KMT2C: variants seen among roughly 807,000 people sequenced by gnomAD.
KMT2C encodes the protein lysine methyltransferase 2C, also known as histone-lysine N-methyltransferase 2C.
KMT2C carries 88 observed loss-of-function variants against 507.9 expected under a neutral mutation model. The ratio of observed to expected loss-of-function variants is 0.17; its 90% CI spans 0.15 to 0.21. The LOEUF (loss-of-function observed/expected upper bound fraction) is 0.21. Ranked by LOEUF, KMT2C falls within the 10% of genes least tolerant of loss-of-function variation. The pLI, the probability that KMT2C is intolerant of heterozygous loss-of-function variation, is 1.00. For synonymous variants in KMT2C, 2,049 were observed against 2,080.8 expected (o/e 0.98, Z 0.42); for missense variants, 4,954 against 5,957.8 (o/e 0.83, Z 5.55).
chr7:152,332,741 G>A (rs762039258), intron 2 of KMT2C, among the ~76,000 whole-genome samples: 13 of 152,026 alleles, frequency 8.6e-5, no homozygotes, highest in African/African-American at 1.4e-4. Flanking sequence ...CCAGCTACTC[G>A]GGAGGCTGAG....
At chr7:152,325,713 T>A (rs1352607758) in intron 3 of KMT2C, among the ~76,000 whole-genome samples, 1 of 152,182 alleles carries the variant, frequency 6.6e-6, no homozygotes, top group East Asian at 1.9e-4. Flanking sequence ...CCCAAAGTGC[T>A]AGGATTATAG....
At chr7:152,249,187 T>C (rs1353192062) in intron 13 of KMT2C, among the ~76,000 whole-genome samples, 1 of 152,114 alleles carries the variant, frequency 6.6e-6, no homozygotes, top group Admixed American at 6.6e-5. Context: ...ATCAGAAACA[T>C]AGTCACTGGT....
intron 3 of KMT2C, among the ~76,000 whole-genome samples, chr7:152,318,828 T>C (rs1282662195): frequency 6.6e-6 from 1 of 151,780 alleles, no homozygotes; most frequent in Non-Finnish European, 1.5e-5. Context: ...ACATTAGAGA[T>C]GAAAAAGATG....
At chr7:152,434,343 C>G (rs1035806151) in intron 1 of KMT2C, among the ~76,000 whole-genome samples, 10 of 152,186 alleles carry the variant, frequency 6.6e-5, no homozygotes, top group African/African-American at 2.4e-4. Flanking sequence ...GGCCCTGAAT[C>G]ATTTTCATAG....
intron 54 of KMT2C, 22 bp downstream of exon 54, chr7:152,145,131 A>G (rs774402843): frequency 1.2e-6 from 2 of 1,612,374 alleles, no homozygotes; most frequent in East Asian, 4.5e-5. Flanking sequence ...GGGCTGTACT[A>G]TGTGAAGTTA....
intron 3 of KMT2C, among the ~76,000 whole-genome samples, chr7:152,320,039 C>T (rs2096758277): frequency 6.6e-6 from 1 of 152,132 alleles, no homozygotes; most frequent in African/African-American, 2.4e-5. Context: ...CCGGGCCCAG[C>T]TGTCTTTTCT....
intron 12 of KMT2C, among the ~76,000 whole-genome samples, chr7:152,250,267 A>G (rs1048013800): frequency 1.3e-5 from 2 of 152,284 alleles, no homozygotes; most frequent in African/African-American, 4.8e-5. Flanking sequence ...GTGGCTTTTT[A>G]TGTATACATT....
intron 9 of KMT2C, 136 bp from the exon 10 acceptor site, chr7:152,252,851 G>C (rs2095582573): frequency 3.1e-6 from 2 of 653,636 alleles, no homozygotes; most frequent in Non-Finnish European, 5.0e-6. Flanking sequence ...ACTAATTTAG[G>C]GTACATGCTT....
intron 18 of KMT2C, among the ~76,000 whole-genome samples, chr7:152,225,357 C>G (rs2129148372): frequency 6.6e-6 from 1 of 152,184 alleles, no homozygotes; most frequent in Non-Finnish European, 1.5e-5. Context: ...TACATGAAAG[C>G]CTAAAAGCTA....
Position 152,435,899 on chromosome 7 carries a change from C to T in KMT2C, c.-113G>A. 8.4e-7 allele frequency: 1 copy of T among 1,195,880 alleles called. No homozygotes were observed. Among genetic ancestry groups the T allele is most frequent in the Non-Finnish European group, 1.1e-6 (1 of 899,142 alleles). The allele number at this position is 1,195,880 out of a possible 1,614,324, so 74.1% of individuals were successfully genotyped here. A position where few individuals can be genotyped will look rare whatever the true frequency, so the allele number is the denominator to read the frequency against. On this transcript the variant is annotated 5_prime_UTR_variant, in exon 1 of 59. Transcript: ENST00000262189. ...GGGTTCCTCCTCCCCGGCTCAGCCT[C>T]TCGCATTTCCCGCAGCCCCGGGAGC... is the stretch of plus-strand genomic sequence containing the variant.
intron 26 of KMT2C, among the ~76,000 whole-genome samples, chr7:152,199,717 C>T (rs545725333): frequency 5.3e-5 from 8 of 152,128 alleles, no homozygotes; most frequent in African/African-American, 1.9e-4. Flanking sequence ...CACAATTATA[C>T]CAAAGGTTTC....
chr7:152,290,289 TATA>T (rs2096402331), intron 6 of KMT2C, among the ~76,000 whole-genome samples: 20 of 36,844 alleles, frequency 5.4e-4, no homozygotes, highest in South Asian at 1.1e-3. Context: ...TATATATATA[TATA>T]TATTTTTTTT....
chr7:152,327,225 A>G (rs2096837243), intron 3 of KMT2C, among the ~76,000 whole-genome samples: 1 of 152,216 alleles, frequency 6.6e-6, no homozygotes, highest in Non-Finnish European at 1.5e-5. Context: ...ATTCTTTTCC[A>G]CTGATAGGCC....
At position 152,176,490 on chromosome 7, in the gene KMT2C, T is replaced by A. The variant is rs376171100; in HGVS notation, c.8963A>T (p.Gln2988Leu). 1 of 1,614,174 alleles carries A rather than the reference T, an allele frequency of 6.2e-7. No homozygotes were observed. The stretch of plus-strand genomic sequence containing the variant: ...ACCTGGAATGAGCCCTGGGTTTACC[T>A]GCACACCCTGAGAAAAAACATGGTT... ...RVNHVFSQGVQVNPGLIPGQS... is the reference protein window; with the variant it reads ...RVNHVFSQGVLVNPGLIPGQS... The change falls in exon 38 of 59, where the codon CAG (glutamine) becomes CTG (leucine). Residue 2988 changes from glutamine (Q) to leucine (L), a missense_variant. By Grantham distance (113) the Gln-to-Leu change is moderately radical (BLOSUM62 -2). Coordinates refer to ENST00000262189, the MANE Select transcript of KMT2C (RefSeq NM_170606.3).
chr7:152,200,342 A>T lies in KMT2C; in HGVS notation c.4093-883T>A, dbSNP rs556221636. 3.8e-4 allele frequency among the ~76,000 whole-genome samples: 58 copies of T among 152,340 alleles called. No homozygotes were observed. The South Asian group carries it at 6.2e-3, about 16-fold the overall frequency. On this transcript the variant is annotated intron_variant, in intron 26 of 58. Coordinates refer to ENST00000262189, the MANE Select transcript of KMT2C (RefSeq NM_170606.3). ...AGACACTTATATTACAAAATACAAC[A>T]ATTTTTTAAAAGTATATAGTTCTAT...
In KMT2C at chr7:152,270,613, T is replaced by C. The variant is rs545256385; in HGVS notation, c.1012+3092A>G. On this transcript the variant is annotated intron_variant, in intron 7 of 58. Coordinates refer to ENST00000262189, the MANE Select transcript of KMT2C (RefSeq NM_170606.3). ...ATCATGCCAAATCCATTCCTCAAGG[T>C]CTGTGTAGTGGTCTGTTCCCTCTCC... Among the ~76,000 whole-genome samples the C allele has an allele frequency of 2.7e-4, 41 of 152,248 alleles. No individual in the cohort carries two copies. The South Asian group carries it at 7.9e-3, about 29-fold the overall frequency.
At chr7:152,321,958 G>A (rs184857003) in intron 3 of KMT2C, among the ~76,000 whole-genome samples, 222 of 151,242 alleles carry the variant, frequency 1.5e-3, no homozygotes, top group African/African-American at 5.1e-3. Context: ...TCAAACAGCC[G>A]AAACAACCTT....
intron 1 of KMT2C, among the ~76,000 whole-genome samples, chr7:152,360,998 G>A (rs1024866744): frequency 6.6e-6 from 1 of 152,070 alleles, no homozygotes; most frequent in Admixed American, 6.6e-5. Context: ...AACTATGAAT[G>A]AAAATAAAAA....
intron 22 of KMT2C, among the ~76,000 whole-genome samples, chr7:152,221,207 A>C (rs1452274476): frequency 4.6e-5 from 7 of 152,224 alleles, no homozygotes; most frequent in African/African-American, 1.7e-4. Context: ...CAGTGAGCCG[A>C]GATCGTGCCA....
Sources: gnomAD v4.1 joint callset for allele counts (sites outside exome capture counted in the v4.1 genomes callset) on GRCh38, gnomAD v4.1.1 for gene constraint, MANE v1.5 for transcripts, NCBI Gene and HGNC (gene_info 2026-07-23, HGNC 2026-07-21) for gene names.